Variants in FAM168B observed in about 807,000 individuals in gnomAD.
FAM168B encodes the protein myelin-associated neurite-outgrowth inhibitor.
In FAM168B, 19 loss-of-function variants were observed where a neutral mutation model predicts 21.8. The observed-to-expected ratio is 0.87, with a 90% confidence interval of 0.61 to 1.28. The LOEUF is 1.28. Among genes scored for constraint, FAM168B ranks in the 50% most tolerant of loss-of-function variants. FAM168B has a pLI of 0.00. For missense variants in FAM168B, 233 were observed against 263.1 expected (o/e 0.89, Z 0.79); for synonymous variants, 126 against 104.8 (o/e 1.20, Z -1.24).
Position 131,050,299 on chromosome 2 carries a change from T to C in FAM168B, c.*2166A>G, listed in dbSNP as rs1391122074. On this transcript the variant is annotated 3_prime_UTR_variant, in exon 7 of 7. Transcript: ENST00000389915. ...TGTTGTGTGGGGCTTTTTAAAAGCA[T>C]ACACTAACATTGTGAGTATTTTATC... 3.0e-6 allele frequency: 3 copies of C among 985,334 alleles called. No homozygotes were observed. The East Asian group carries it at 3.4e-4, about 112-fold the overall frequency. The allele number at this position is 985,334 out of a possible 1,614,324, so 61.0% of individuals were successfully genotyped here.
chr2:131,073,903 G>C (rs1325740217), intron 2 of FAM168B, among the ~76,000 whole-genome samples: 2 of 152,138 alleles, frequency 1.3e-5, no homozygotes, highest in Non-Finnish European at 1.5e-5. Flanking sequence ...TACAAATGAG[G>C]AATCTTATTA....
chr2:131,059,538 G>C (rs994800307), intron 3 of FAM168B, among the ~76,000 whole-genome samples: 2 of 152,172 alleles, frequency 1.3e-5, no homozygotes, highest in Non-Finnish European at 2.9e-5. Context: ...CCTGAAAAGA[G>C]ATCCTCCCAG....
rs780402785 is a variant in FAM168B, at chr2:131,055,256, A to G, written c.475+16T>C. The G allele has an allele frequency of 1.3e-6, 2 of 1,531,534 alleles. No homozygotes were observed. Among genetic ancestry groups the G allele is most frequent in the South Asian group, 1.3e-5 (1 of 77,260 alleles). 94.9% of individuals were successfully genotyped at this position (1,531,534 alleles called of 1,614,324 possible). A position where few individuals can be genotyped will look rare whatever the true frequency, so the allele number is the denominator to read the frequency against. ...GGGTACACCATAGGACAGACACCGCAGGAACGAGGACTTACCTGCTGACAT... is the reference window on the plus strand; with the variant it reads ...GGGTACACCATAGGACAGACACCGCGGGAACGAGGACTTACCTGCTGACAT... On this transcript the variant is annotated intron_variant, in intron 5 of 6. Coordinates refer to ENST00000389915, the MANE Select transcript of FAM168B (RefSeq NM_001009993.4).
intron 1 of FAM168B, among the ~76,000 whole-genome samples, chr2:131,088,438 G>T (rs536067881): frequency 7.2e-5 from 11 of 152,054 alleles, no homozygotes; most frequent in Non-Finnish European, 1.5e-4. Context: ...GGGAGAGGAG[G>T]AAGGCCAGAT....
chr2:131,079,503 A>C (rs1573806141), intron 2 of FAM168B, among the ~76,000 whole-genome samples: 1 of 152,292 alleles, frequency 6.6e-6, no homozygotes, highest in Admixed American at 6.5e-5. Context: ...GACACACAGG[A>C]GAGGATGTGA....
chr2:131,066,407 C>T (rs982232320), intron 3 of FAM168B, among the ~76,000 whole-genome samples: 1 of 152,176 alleles, frequency 6.6e-6, no homozygotes, highest in African/African-American at 2.4e-5. Context: ...GATCTCCTGA[C>T]CTCGTGATCC....
chr2:131,088,676 G>A lies in FAM168B; in HGVS notation c.-12+4538C>T, dbSNP rs374091802. Among the ~76,000 whole-genome samples the A allele has an allele frequency of 4.7e-4, 72 of 152,232 alleles. 1 individual carries two copies. In the East Asian group the frequency reaches 0.01, roughly 21 times the overall value. ...CAATAAAGTATATAAAGTCGAAAAT[G>A]ATACATCTATACTTTAAAATATTTC... On this transcript the variant is annotated intron_variant, in intron 1 of 6. Coordinates refer to ENST00000389915, the MANE Select transcript of FAM168B (RefSeq NM_001009993.4).
intron 2 of FAM168B, among the ~76,000 whole-genome samples, chr2:131,077,142 C>T (rs947811094): frequency 1.3e-5 from 2 of 151,074 alleles, no homozygotes; most frequent in Non-Finnish European, 2.9e-5. Context: ...CTCCAATGCC[C>T]ATCACAAGGA....
chr2:131,070,605 A>G (rs1229270604), intron 3 of FAM168B, among the ~76,000 whole-genome samples: 2 of 152,262 alleles, frequency 1.3e-5, no homozygotes, highest in Non-Finnish European at 1.5e-5. Flanking sequence ...GCATATAAAT[A>G]TTAATAGCAT....
At position 131,052,807 on chromosome 2, in the gene FAM168B, T is replaced by C. The variant is rs75440346; in HGVS notation, c.*12+84A>G. 2.8e-3 allele frequency: 4,261 copies of C among 1,506,432 alleles called. 114 individuals carry two copies. In the African/African-American group the frequency reaches 0.053, roughly 19 times the overall value. The allele number at this position is 1,506,432 out of a possible 1,614,324, so 93.3% of individuals were successfully genotyped here. Reference sequence around the variant, plus strand: ...GGGTCAGGCACACTTTCCTCGTTAGTGCTTAAATATGTGGTAAATTTGCCA... The same window carrying C: ...GGGTCAGGCACACTTTCCTCGTTAGCGCTTAAATATGTGGTAAATTTGCCA... On this transcript the variant is annotated intron_variant, in intron 6 of 6. Transcript: ENST00000389915.
rs892606780 is a variant in FAM168B at position 131,052,066 on chromosome 2, A to G, written c.*399T>C. On this transcript the variant is annotated 3_prime_UTR_variant, in exon 7 of 7. Transcript: ENST00000389915. ...TACATTACAACAGTGCATTAGTGAT[A>G]CAAGTTGTAAAATACGTTTCCATTC... is the stretch of plus-strand genomic sequence containing the variant. 7.8e-5 allele frequency: 77 copies of G among 985,846 alleles called. 1 individual carries two copies. The highest frequency in any genetic ancestry group is 9.4e-5 in the South Asian group (2 of 21,294). The allele number at this position is 985,846 out of a possible 1,614,324, so 61.1% of individuals were successfully genotyped here. A position where few individuals can be genotyped will look rare whatever the true frequency, so the allele number is the denominator to read the frequency against.
intron 3 of FAM168B, among the ~76,000 whole-genome samples, chr2:131,067,084 C>T (rs993016680): frequency 6.6e-6 from 1 of 152,096 alleles, no homozygotes; most frequent in African/African-American, 2.4e-5. Flanking sequence ...CCCCATGATT[C>T]AATTACCTCC....
In FAM168B at chr2:131,052,029, T is replaced by G. The variant is rs78035970; in HGVS notation, c.*436A>C. Reference sequence around the variant, plus strand: ...AAATTCACTTTAACACTTATAACTGTAAGACTTTGCATACATTACAACAGT... The same window carrying G: ...AAATTCACTTTAACACTTATAACTGGAAGACTTTGCATACATTACAACAGT... On this transcript the variant is annotated 3_prime_UTR_variant, in exon 7 of 7. Transcript: ENST00000389915. The G allele has an allele frequency of 4.2e-4, 415 of 985,756 alleles. 2 individuals are homozygous for G. The African/African-American group carries it at 6.8e-3, about 16-fold the overall frequency. 61.1% of individuals were successfully genotyped at this position (985,756 alleles called of 1,614,324 possible).
chr2:131,054,787 CAAAGT>C (rs1010308737), intron 5 of FAM168B, among the ~76,000 whole-genome samples: 3 of 152,178 alleles, frequency 2.0e-5, no homozygotes, highest in African/African-American at 7.2e-5. Context: ...GGAGGCCTTG[CAAAGT>C]AAAGTACGGT....
Position 131,050,630 on chromosome 2 carries a change from A to T in FAM168B, c.*1835T>A. 5 of 985,290 alleles carry T rather than the reference A, an allele frequency of 5.1e-6. No homozygotes were observed. Among genetic ancestry groups the T allele is most frequent in the Non-Finnish European group, 6.0e-6 (5 of 829,544 alleles). The allele number at this position is 985,290 out of a possible 1,614,324, so 61.0% of individuals were successfully genotyped here. On this transcript the variant is annotated 3_prime_UTR_variant, in exon 7 of 7. Coordinates refer to ENST00000389915, the MANE Select transcript of FAM168B (RefSeq NM_001009993.4). Reference sequence around the variant, plus strand: ...CAATGATCCATGCAAAAATATTCCTAAACTTCTTATAAAATAAGATGTGAA... The same window carrying T: ...CAATGATCCATGCAAAAATATTCCTTAACTTCTTATAAAATAAGATGTGAA...
chr2:131,057,830 T>A (rs910683809), intron 3 of FAM168B, among the ~76,000 whole-genome samples: 9 of 152,188 alleles, frequency 5.9e-5, no homozygotes, highest in African/African-American at 1.9e-4. Flanking sequence ...TGTGTATTTT[T>A]TTTTTATTTT....
At chr2:131,054,952 C>T (rs1319867973) in intron 5 of FAM168B, among the ~76,000 whole-genome samples, 1 of 152,090 alleles carries the variant, frequency 6.6e-6, no homozygotes, top group African/African-American at 2.4e-5. Context: ...AGAGCAACCC[C>T]GGTACACAAA....
At chr2:131,077,559 T>G (rs982564318) in intron 2 of FAM168B, among the ~76,000 whole-genome samples, 1 of 152,232 alleles carries the variant, frequency 6.6e-6, no homozygotes, top group African/African-American at 2.4e-5. Flanking sequence ...TCCATCCCAG[T>G]GTCCACTACC....
intron 2 of FAM168B, among the ~76,000 whole-genome samples, chr2:131,080,832 G>T (rs745739130): frequency 1.2e-4 from 18 of 151,572 alleles, no homozygotes; most frequent in Non-Finnish European, 2.5e-4. Context: ...ACCATGCCTG[G>T]CTAATTTTTT....
Sources: allele counts gnomAD v4.1 joint callset (sites outside exome capture counted in the v4.1 genomes callset), GRCh38; gene constraint gnomAD v4.1.1; transcripts MANE v1.5; gene names NCBI Gene and HGNC (gene_info 2026-07-23, HGNC 2026-07-21).